The following MARK1 variants were observed in gnomAD, a reference collection of about 807,000 sequenced individuals.
MARK1 encodes the protein microtubule affinity regulating kinase 1, also known as serine/threonine-protein kinase MARK1.
In MARK1, 40 loss-of-function variants were observed where a neutral mutation model predicts 96.3. The observed-to-expected ratio is 0.42, with a 90% CI of 0.32 to 0.54. The LOEUF (loss-of-function observed/expected upper bound fraction) is 0.54, where lower values mean the gene tolerates loss of function less well. Among genes scored for constraint, MARK1 ranks in the 20% least tolerant of loss-of-function variants. MARK1 has a pLI of 0.16. For missense variants in MARK1, 719 were observed against 984.6 expected (o/e 0.73, Z 3.61); for synonymous variants, 317 against 341.2 (o/e 0.93, Z 0.78).
chr1:220,556,503 A>C (rs72735007), intron 1 of MARK1, among the ~76,000 whole-genome samples: 8,986 of 142,556 alleles, frequency 0.063, 356 homozygotes, highest in South Asian at 0.12. Flanking sequence ...AAAAAAAAAA[A>C]AAACAAATTA....
chr1:220,549,451 G>T (rs1452752054), intron 1 of MARK1, among the ~76,000 whole-genome samples: 3 of 152,046 alleles, frequency 2.0e-5, no homozygotes, highest in Non-Finnish European at 2.9e-5. Context: ...TGCATCTCAG[G>T]GTTCCTGAAT....
In MARK1 at chr1:220,618,594, G is replaced by A. The variant is rs929678448; in HGVS notation, c.790-42G>A. 1 of 1,612,960 alleles carries A rather than the reference G, an allele frequency of 6.2e-7. No homozygotes were observed. Among genetic ancestry groups the A allele is most frequent in the Non-Finnish European group, 8.5e-7 (1 of 1,179,712 alleles). On this transcript the variant is annotated intron_variant, in intron 8 of 17. Coordinates refer to ENST00000366917, the MANE Select transcript of MARK1 (RefSeq NM_018650.5). This position sits in a 1 kb window ranked among gnomAD's most constrained non-coding sequence, Gnocchi z 4.6. Reference sequence around the variant, plus strand: ...ATGTTTTATCCCCAAGTATGATTATGTCAAAAACCAGTTATAAGTGCTTTC... The same window carrying A: ...ATGTTTTATCCCCAAGTATGATTATATCAAAAACCAGTTATAAGTGCTTTC...
chr1:220,600,084 G>A (rs914948712), intron 5 of MARK1, among the ~76,000 whole-genome samples: 3 of 151,994 alleles, frequency 2.0e-5, no homozygotes, highest in Non-Finnish European at 4.4e-5. Context: ...TTTACTTAGG[G>A]ACATTTTTTG....
At chr1:220,562,932 T>G (rs1331703265) in intron 1 of MARK1, among the ~76,000 whole-genome samples, 2 of 152,178 alleles carry the variant, frequency 1.3e-5, no homozygotes, top group African/African-American at 4.8e-5. Context: ...GTTGGTTGAA[T>G]CCATGGATGT....
At chr1:220,630,856 A>G (rs1192040429) in intron 9 of MARK1, among the ~76,000 whole-genome samples, 179 bp from the exon 10 acceptor site, 2 of 152,184 alleles carry the variant, frequency 1.3e-5, no homozygotes, top group African/African-American at 4.8e-5. Context: ...GTAGGGAGAT[A>G]GTCATAGTTG....
intron 3 of MARK1, among the ~76,000 whole-genome samples, chr1:220,593,881 C>A (rs2786607): frequency 0.18 from 28,041 of 152,050 alleles, 3,282 homozygotes; most frequent in East Asian, 0.34. Flanking sequence ...CCCCCTCAGC[C>A]CTCACTCTGG....
At chr1:220,561,604 A>G (rs1018164827) in intron 1 of MARK1, among the ~76,000 whole-genome samples, 5 of 152,316 alleles carry the variant, frequency 3.3e-5, no homozygotes, top group African/African-American at 1.2e-4. Flanking sequence ...ATGTGACAGG[A>G]TTTAAGCACT....
chr1:220,556,485 C>CAAAAAAAAAA (rs55808704), intron 1 of MARK1, among the ~76,000 whole-genome samples: 10 of 85,764 alleles, frequency 1.2e-4, no homozygotes, highest in Non-Finnish European at 1.5e-4. Context: ...GGGACTGTCA[C>CAAAAAAAAAA]AAAAAAAAAA....
At chr1:220,559,506 G>T (rs1309421109) in intron 1 of MARK1, among the ~76,000 whole-genome samples, 2 of 152,194 alleles carry the variant, frequency 1.3e-5, no homozygotes, top group Admixed American at 1.3e-4. Flanking sequence ...GTTGGAAAGG[G>T]ACATGTGGTC....
chr1:220,635,143 A>T (rs1667877775), intron 11 of MARK1, among the ~76,000 whole-genome samples: 2 of 152,068 alleles, frequency 1.3e-5, no homozygotes, highest in Non-Finnish European at 2.9e-5. Flanking sequence ...TAAACTAAGG[A>T]TTTGTACAAG....
chr1:220,604,542 T>A (rs1292723040), intron 6 of MARK1, among the ~76,000 whole-genome samples: 2 of 152,000 alleles, frequency 1.3e-5, no homozygotes, highest in Admixed American at 6.5e-5. Context: ...TATATTTTTT[T>A]AATTAAAGAT....
rs1034807965 is a variant in MARK1 at position 220,528,730 on chromosome 1, T to C, written c.-93T>C. On this transcript the variant is annotated 5_prime_UTR_variant, in exon 1 of 18. Transcript: ENST00000366917. ...GCGGGAGCCGCTCGCCCCGGCCTTG[T>C]GCTCGCGTCCGCACCCCTTTCCTGT... 2.5e-6 allele frequency: 3 copies of C among 1,216,126 alleles called. No homozygotes were observed. Among genetic ancestry groups the C allele is most frequent in the Non-Finnish European group, 3.4e-6 (3 of 881,676 alleles). The allele number at this position is 1,216,126 out of a possible 1,614,324, so 75.3% of individuals were successfully genotyped here.
At chr1:220,560,266 C>T (rs1042111541) in intron 1 of MARK1, among the ~76,000 whole-genome samples, 2 of 152,072 alleles carry the variant, frequency 1.3e-5, no homozygotes, top group Admixed American at 1.3e-4. Context: ...TTGGGTGGGG[C>T]CACAGCTAAA....
At chr1:220,546,109 A>G (rs748047773) in intron 1 of MARK1, among the ~76,000 whole-genome samples, 50 of 152,122 alleles carry the variant, frequency 3.3e-4, no homozygotes, top group Non-Finnish European at 1.8e-4. Context: ...TTTTCCATCT[A>G]TTGACCCTCT....
intron 1 of MARK1, 136 bp downstream of exon 1, chr1:220,529,009 A>C: frequency 1.3e-6 from 1 of 765,850 alleles, no homozygotes; most frequent in Non-Finnish European, 2.1e-6. Flanking sequence ...GCCCGGCGTG[A>C]CCCTCACCCA....
rs1259332998 is a variant in MARK1, at chr1:220,528,667, C to A, written c.-156C>A. 1 of 571,032 alleles carries A rather than the reference C, an allele frequency of 1.8e-6. No individual in the cohort carries two copies. The highest frequency in any genetic ancestry group is 3.0e-6 in the Non-Finnish European group (1 of 338,116). The allele number at this position is 571,032 out of a possible 1,614,324, so 35.4% of individuals were successfully genotyped here. A position where few individuals can be genotyped will look rare whatever the true frequency, so the allele number is the denominator to read the frequency against. ...TTCCTCCGCGTCCTCTTCCCTCTTT[C>A]CCCCGCCGGGGCCGCTTGTTGCACC... On this transcript the variant is annotated 5_prime_UTR_variant, in exon 1 of 18. Transcript: ENST00000366917.
At chr1:220,548,611 C>T (rs1661657140) in intron 1 of MARK1, among the ~76,000 whole-genome samples, 1 of 152,000 alleles carries the variant, frequency 6.6e-6, no homozygotes, top group Non-Finnish European at 1.5e-5. Context: ...TGGTGGTGGG[C>T]ACCTGTAGTC....
chr1:220,577,734 A>G (rs1378049439), intron 1 of MARK1, among the ~76,000 whole-genome samples: 1 of 152,226 alleles, frequency 6.6e-6, no homozygotes, highest in Non-Finnish European at 1.5e-5. Flanking sequence ...TGAGTACATA[A>G]AGATGAAAAG....
chr1:220,612,351 T>C (rs1169484649), intron 6 of MARK1, among the ~76,000 whole-genome samples: 1 of 152,204 alleles, frequency 6.6e-6, no homozygotes, highest in African/African-American at 2.4e-5. Context: ...ATACAAATAA[T>C]TACTAAAATT....
Sources: gnomAD v4.1 joint callset for allele counts (sites outside exome capture counted in the v4.1 genomes callset) on GRCh38, gnomAD v4.1.1 for gene constraint, Gnocchi (gnomAD v3.1) non-coding constraint, MANE v1.5 for transcripts, NCBI Gene and HGNC (gene_info 2026-07-23, HGNC 2026-07-21) for gene names.